The following ITSN1 variants were observed in gnomAD, a reference collection of about 807,000 sequenced individuals.
ITSN1 encodes intersectin-1.
In ITSN1, 58 loss-of-function variants were observed where a neutral mutation model predicts 239.8. The ratio of observed to expected loss-of-function variants is 0.24; its 90% CI spans 0.20 to 0.30. The LOEUF (loss-of-function observed/expected upper bound fraction) is 0.30, where lower values mean the gene tolerates loss of function less well. Ranked by LOEUF, ITSN1 falls within the 10% of genes least tolerant of loss-of-function variation. The pLI, the probability that ITSN1 is intolerant of heterozygous loss-of-function variation, is 1.00. For missense variants in ITSN1, 1,558 were observed against 2,103.3 expected, an observed-to-expected ratio of 0.74 and a Z score of 5.07; for synonymous variants, 780 against 770.8, an observed-to-expected ratio of 1.01 and a Z score of -0.20.
intron 8 of ITSN1, among the ~76,000 whole-genome samples, chr21:33,755,985 A>G (rs2067880383): frequency 6.6e-6 from 1 of 152,188 alleles, no homozygotes; most frequent in African/African-American, 2.4e-5. Context: ...AATTTTTCTC[A>G]CGAAGGTTTA....
At chr21:33,786,004 G>A (rs1026561954) in intron 16 of ITSN1, among the ~76,000 whole-genome samples, 1 of 152,184 alleles carries the variant, frequency 6.6e-6, no homozygotes, top group Non-Finnish European at 1.5e-5. Context: ...AAAACAGGGA[G>A]GGTGGGAGAA....
At chr21:33,804,840 T>C (rs2072288045) in intron 20 of ITSN1, among the ~76,000 whole-genome samples, 1 of 152,146 alleles carries the variant, frequency 6.6e-6, no homozygotes, top group South Asian at 2.1e-4. Flanking sequence ...ACACTAATAA[T>C]AGCTGATGAA....
rs1325623468 is a variant in ITSN1 at position 33,761,968 on chromosome 21, C to G, written c.770C>G (p.Ala257Gly). The G allele has an allele frequency of 1.2e-6, 2 of 1,613,268 alleles. No homozygotes were observed. The highest frequency in any genetic ancestry group is 1.6e-4 in the Middle Eastern group (1 of 6,062). Residue 257 changes from alanine to glycine, a missense_variant, in exon 9 of 40, where the codon GCT (alanine) becomes GGT (glycine). Around this residue, in one of 2 missense-constraint regions of ITSN1, gnomAD observed 982 missense variants for 1,209.9 expected, o/e 0.81. Coordinates refer to ENST00000381318, the MANE Select transcript of ITSN1 (RefSeq NM_003024.3). ...TILMQSSLPQ[A>G]QLASIWNLSD... ...CTTATGCAGTCAAGTTTACCACAGG[C>G]TCAGCTGGCTTCAATATGGTAAGGA...
intron 1 of ITSN1, among the ~76,000 whole-genome samples, chr21:33,717,865 C>A (rs1396645069): frequency 6.6e-6 from 1 of 152,184 alleles, no homozygotes; most frequent in Admixed American, 6.5e-5. Context: ...CTGCGCCCGG[C>A]CCTAAATCTG....
chr21:33,763,532 C>T (rs1462586904), intron 9 of ITSN1, among the ~76,000 whole-genome samples: 1 of 152,156 alleles, frequency 6.6e-6, no homozygotes, highest in African/African-American at 2.4e-5. Flanking sequence ...CCACACCCAG[C>T]ATGACAATCA....
chr21:33,807,641 AG>A (rs1395810958), intron 20 of ITSN1, among the ~76,000 whole-genome samples: 1 of 152,182 alleles, frequency 6.6e-6, no homozygotes, highest in East Asian at 1.9e-4. Context: ...CTTATTAACC[AG>A]TCAATACCCT....
intron 1 of ITSN1, among the ~76,000 whole-genome samples, chr21:33,671,955 T>C (rs2090314066): frequency 6.6e-6 from 1 of 152,162 alleles, no homozygotes; most frequent in Non-Finnish European, 1.5e-5. Context: ...AAAGAGTCGA[T>C]GTCTTGGCTG....
At chr21:33,702,954 G>C (rs185836069) in intron 1 of ITSN1, among the ~76,000 whole-genome samples, 1 of 152,010 alleles carries the variant, frequency 6.6e-6, no homozygotes, top group African/African-American at 2.4e-5. Context: ...GCCGGTGCCT[G>C]TAATTCCAGC....
intron 1 of ITSN1, among the ~76,000 whole-genome samples, chr21:33,712,188 A>ATTT (rs372298869): frequency 6.9e-6 from 1 of 145,960 alleles, no homozygotes; most frequent in Non-Finnish European, 1.5e-5. Context: ...GTTGATTGCA[A>ATTT]TTTTTTTTTT....
At chr21:33,733,056 G>A (rs536080522) in intron 4 of ITSN1, among the ~76,000 whole-genome samples, 1 of 152,048 alleles carries the variant, frequency 6.6e-6, no homozygotes, top group African/African-American at 2.4e-5. Context: ...AGGGTTGTTT[G>A]TATAACAGAT....
At chr21:33,835,865 A>G (rs1027745689) in intron 28 of ITSN1, among the ~76,000 whole-genome samples, 1 of 152,220 alleles carries the variant, frequency 6.6e-6, no homozygotes, top group Non-Finnish European at 1.5e-5. Flanking sequence ...CTGGAGGTGG[A>G]GGTTGCAGTG....
chr21:33,872,910 A>C (rs1212507134), intron 33 of ITSN1, among the ~76,000 whole-genome samples: 1 of 152,216 alleles, frequency 6.6e-6, no homozygotes, highest in Non-Finnish European at 1.5e-5. Context: ...CATTAGAAAA[A>C]TTGATAAACC....
chr21:33,897,590 T>C lies in ITSN1; in HGVS notation c.*9290T>C, dbSNP rs1986857068. On this transcript the variant is annotated 3_prime_UTR_variant, in exon 40 of 40. Transcript: ENST00000381318. Reference sequence around the variant, plus strand: ...TCATGAAATCTCTGCTGTATGTTTATGGAATGGCCATGACTAAATGTATAT... The same window carrying C: ...TCATGAAATCTCTGCTGTATGTTTACGGAATGGCCATGACTAAATGTATAT... The C allele has an allele frequency of 6.6e-6, 1 of 152,250 alleles. No homozygotes were observed. The highest frequency in any genetic ancestry group is 1.5e-5 in the Non-Finnish European group (1 of 68,050). 9.4% of individuals were successfully genotyped at this position (152,250 alleles called of 1,614,324 possible).
intron 5 of ITSN1, among the ~76,000 whole-genome samples, chr21:33,748,904 T>C (rs1453697254): frequency 1.3e-5 from 2 of 151,860 alleles, no homozygotes; most frequent in East Asian, 1.9e-4. Context: ...ATAGGGGGCA[T>C]TTAAACACTA....
In ITSN1 at chr21:33,781,535, G is replaced by T; in HGVS notation, c.1671G>T (p.Gln557His). 2 of 1,562,502 alleles carry T rather than the reference G, an allele frequency of 1.3e-6. No individual in the cohort carries two copies. The highest frequency in any genetic ancestry group is 2.3e-5 in the East Asian group (1 of 43,308). Residue 557 changes from glutamine (Q) to histidine (H), a missense_variant, in exon 15 of 40, where the codon CAG becomes CAT. Gln to His is a conservative substitution (Grantham distance 24). Transcript: ENST00000381318. ...ATGACCAATTAAAACAAGTTCAGCA[G>T]AACAGTTTGCACAGTAGGTGTTTTA... ...ILNDQLKQVQ[Q>H]NSLHRDSLVT...
chr21:33,724,815 A>G (rs2065720968), intron 4 of ITSN1, among the ~76,000 whole-genome samples: 1 of 151,852 alleles, frequency 6.6e-6, no homozygotes, highest in Admixed American at 6.6e-5. Flanking sequence ...AATGAATTTC[A>G]TTTTTTTTCT....
intron 25 of ITSN1, among the ~76,000 whole-genome samples, chr21:33,824,446 T>G (rs2073868488): frequency 6.6e-6 from 1 of 152,194 alleles, no homozygotes; most frequent in South Asian, 2.1e-4. Flanking sequence ...TAACTCCTTT[T>G]TTTTTTAAGT....
At chr21:33,778,581 T>G (rs987877519) in intron 14 of ITSN1, among the ~76,000 whole-genome samples, 2 of 116,604 alleles carry the variant, frequency 1.7e-5, no homozygotes, top group African/African-American at 8.3e-5. Context: ...CTTTTTTTTT[T>G]TTTTTTTTTT....
Position 33,774,133 on chromosome 21 carries a change from A to G in ITSN1, c.1306-596A>G, listed in dbSNP as rs370959249. Among the ~76,000 whole-genome samples, 15 of 152,326 alleles carry G rather than the reference A, an allele frequency of 9.8e-5. No homozygotes were observed. The South Asian group carries it at 3.1e-3, about 32-fold the overall frequency. On this transcript the variant is annotated intron_variant, in intron 12 of 39. Coordinates refer to ENST00000381318, the MANE Select transcript of ITSN1 (RefSeq NM_003024.3). ...TAGACATTTACCATGTATCAGGTGT[A>G]GTTGGATGACCCATGAGTCAGAGGC...
Sources: gnomAD v4.1 joint callset for allele counts (sites outside exome capture counted in the v4.1 genomes callset) on GRCh38, gnomAD v4.1.1 for gene constraint, gnomAD v4.1.1 regional missense constraint, MANE v1.5 for transcripts, NCBI Gene and HGNC (gene_info 2026-07-23, HGNC 2026-07-21) for gene names.